The following NQO2 variants were observed in gnomAD, a reference collection of about 807,000 sequenced individuals.
NQO2 encodes the protein N-ribosyldihydronicotinamide:quinone dehydrogenase 2.
NQO2 carries 18 observed loss-of-function variants against 22.0 expected under a neutral mutation model. That is an observed-to-expected ratio of 0.82 (90% CI 0.56 to 1.21). NQO2 has a LOEUF of 1.21. NQO2 is among the 50% of genes most tolerant of loss of function. The probability of loss-of-function intolerance (pLI) is 0.00; values close to 1 mark genes in which losing one functional copy is unlikely to be tolerated. For missense variants in NQO2, 267 were observed against 286.9 expected (o/e 0.93, Z 0.50); for synonymous variants, 106 against 110.8 (o/e 0.96, Z 0.28).
At chr6:3,007,204 G>A (rs1756982884) in intron 2 of NQO2, among the ~76,000 whole-genome samples, 1 of 151,990 alleles carries the variant, frequency 6.6e-6, no homozygotes, top group East Asian at 1.9e-4. Context: ...ACCATCCCTG[G>A]CCTCTGCCCA....
Position 3,010,033 on chromosome 6 carries a change from G to A in NQO2, c.16G>A (p.Val6Ile), listed in dbSNP as rs1161796663. Residue 6 changes from valine (V) to isoleucine (I), a missense_variant, in exon 3 of 7, where the codon GTA becomes ATA. Val to Ile is a conservative substitution (Grantham distance 29). Coordinates refer to ENST00000380455, the MANE Select transcript of NQO2 (RefSeq NM_000904.6). MAGKK[V>I]LIVYAHQEPK... The stretch of plus-strand genomic sequence containing the variant: ...TTCTTATCCTGATTTAGGTAAGAAA[G>A]TACTCATTGTCTATGCACACCAGGA... 6.2e-7 allele frequency: 1 copy of A among 1,611,802 alleles called. No individual in the cohort carries two copies. Among genetic ancestry groups the A allele is most frequent in the African/African-American group, 1.3e-5 (1 of 74,790 alleles).
At chr6:3,003,109 G>A (rs867813628) in intron 1 of NQO2, among the ~76,000 whole-genome samples, 4 of 152,214 alleles carry the variant, frequency 2.6e-5, no homozygotes, top group Admixed American at 6.5e-5. Context: ...CCTCCAGGCA[G>A]TGACTGTCCA....
chr6:3,000,887 G>A (rs1445392830), intron 1 of NQO2, among the ~76,000 whole-genome samples: 1 of 151,584 alleles, frequency 6.6e-6, no homozygotes, highest in Admixed American at 6.6e-5. Context: ...CTGTTGCCCA[G>A]GCTGGAGTGC....
At chr6:3,009,615 A>G (rs1476610958) in intron 2 of NQO2, among the ~76,000 whole-genome samples, 1 of 152,266 alleles carries the variant, frequency 6.6e-6, no homozygotes, top group Non-Finnish European at 1.5e-5. Flanking sequence ...AGACAGGCAT[A>G]AGAAATTACA....
intron 2 of NQO2, 132 bp from the exon 3 acceptor site, chr6:3,009,893 A>G: frequency 7.0e-7 from 1 of 1,421,904 alleles, no homozygotes; most frequent in Non-Finnish European, 9.2e-7. Context: ...AGACAGAAAG[A>G]AAAGAAAATT....
intron 1 of NQO2, chr6:3,001,950 C>T (rs1177899062): frequency 6.6e-6 from 1 of 152,168 alleles, no homozygotes; most frequent in Non-Finnish European, 1.5e-5. Flanking sequence ...AGTCTTTCCC[C>T]ACTATTTCAA....
chr6:3,008,947 A>G (rs1011210474), intron 2 of NQO2, among the ~76,000 whole-genome samples: 3 of 151,818 alleles, frequency 2.0e-5, no homozygotes, highest in African/African-American at 7.3e-5. Flanking sequence ...GGGCGAGATC[A>G]CAGGACCACG....
chr6:3,016,741 G>A (rs1483235687), intron 5 of NQO2, 143 bp from the exon 6 acceptor site: 1 of 1,467,402 alleles, frequency 6.8e-7, no homozygotes, highest in African/African-American at 1.4e-5. Flanking sequence ...ACCTATGGAT[G>A]GGAGTGTTGC....
At chr6:3,017,075 C>T (rs954012057) in intron 6 of NQO2, 90 bp downstream of exon 6, 3 of 1,447,744 alleles carry the variant, frequency 2.1e-6, no homozygotes, top group Non-Finnish European at 2.8e-6. Flanking sequence ...CACACGCACA[C>T]ACATACATGC....
At chr6:3,003,396 C>G (rs45540731) in intron 1 of NQO2, 23,459 of 332,194 alleles carry the variant, frequency 0.071, 2,364 homozygotes, top group African/African-American at 0.26. Context: ...GGATTTCAGC[C>G]TCAGTGCTAA....
intron 2 of NQO2, chr6:3,007,085 A>G (rs1005358327): frequency 5.1e-6 from 2 of 388,374 alleles, no homozygotes; most frequent in African/African-American, 4.1e-5. Flanking sequence ...ACCTTACTCT[A>G]TACATTATGG....
chr6:3,009,368 C>G (rs1051525495), intron 2 of NQO2, among the ~76,000 whole-genome samples: 1 of 152,176 alleles, frequency 6.6e-6, no homozygotes, highest in Admixed American at 6.5e-5. Context: ...TTATCCTGTT[C>G]TTTTTTCAAG....
chr6:3,019,368 A>G (rs1757456061), intron 6 of NQO2, 111 bp from the exon 7 acceptor site: 1 of 1,454,152 alleles, frequency 6.9e-7, no homozygotes, highest in African/African-American at 1.4e-5. Context: ...AGGTTGTTTC[A>G]TGATTTTTTG....
At chr6:3,009,586 C>T (rs573416359) in intron 2 of NQO2, among the ~76,000 whole-genome samples, 4 of 152,336 alleles carry the variant, frequency 2.6e-5, no homozygotes, top group South Asian at 2.1e-4. Flanking sequence ...TCACAATTTA[C>T]GTTCAGAGAT....
Position 3,006,402 on chromosome 6 carries a change from A to T in NQO2, c.-85-66A>T. On this transcript the variant is annotated intron_variant, in intron 1 of 6. Transcript: ENST00000380455. The surrounding 1 kb of genome is among the most constrained non-coding windows in gnomAD (Gnocchi z 4.0). ...CTGTCAGGAAGCAGCAGTGATGCCT[A>T]GATGTGGTACATTCGACCTCACCTA... is the stretch of plus-strand genomic sequence containing the variant. 2.7e-6 allele frequency: 4 copies of T among 1,477,512 alleles called. No individual in the cohort carries two copies. Among genetic ancestry groups the T allele is most frequent in the Non-Finnish European group, 3.6e-6 (4 of 1,116,540 alleles). 91.5% of individuals were successfully genotyped at this position (1,477,512 alleles called of 1,614,324 possible).
At position 3,006,585 on chromosome 6, in the gene NQO2, G is replaced by C; in HGVS notation, c.7+26G>C. 6.4e-7 allele frequency: 1 copy of C among 1,570,980 alleles called. No homozygotes were observed. The highest frequency in any genetic ancestry group is 8.6e-7 in the Non-Finnish European group (1 of 1,161,750). On this transcript the variant is annotated intron_variant, in intron 2 of 6. Transcript: ENST00000380455. This position sits in a 1 kb window ranked among gnomAD's most constrained non-coding sequence, Gnocchi z 4.0. Reference sequence around the variant, plus strand: ...GTAATGATTCACTATTGTGGAGTAAGACTTTTTTTTTTTTGAGATGGGATT... The same window carrying C: ...GTAATGATTCACTATTGTGGAGTAACACTTTTTTTTTTTTGAGATGGGATT...
Position 3,016,913 on chromosome 6 carries a change from G to A in NQO2, c.447G>A (p.Thr149=), listed in dbSNP as rs752897018. The part of the protein sequence containing the change: ...QGKLALLSVT[T]GGTAEMYTKT... ...AACTAGCGCTCCTTTCCGTAACCAC[G>A]GGAGGCACGGCCGAGATGTACACGA... Residue 149 remains threonine, a synonymous_variant, in exon 6 of 7, where the codon ACG becomes ACA. Transcript: ENST00000380455. The A allele has an allele frequency of 2.5e-5, 41 of 1,612,334 alleles. No individual in the cohort carries two copies. The highest frequency in any genetic ancestry group is 1.2e-4 in the Admixed American group (7 of 59,890).
In NQO2 at chr6:3,012,398, G is replaced by A. The variant is rs1042093982; in HGVS notation, c.173-146G>A. 21 of 1,448,836 alleles carry A rather than the reference G, an allele frequency of 1.4e-5. No homozygotes were observed. The East Asian group carries it at 1.5e-4, about 10-fold the overall frequency. The allele number at this position is 1,448,836 out of a possible 1,614,324, so 89.7% of individuals were successfully genotyped here. On this transcript the variant is annotated intron_variant, in intron 3 of 6. Coordinates refer to ENST00000380455, the MANE Select transcript of NQO2 (RefSeq NM_000904.6). The stretch of plus-strand genomic sequence containing the variant: ...CAGACTGCTTCTCTTTCCCTAGCTC[G>A]GACCCAGGGTGCAGCTTCTGGTCAG...
chr6:3,007,676 G>A (rs1756997293), intron 2 of NQO2, among the ~76,000 whole-genome samples: 1 of 152,224 alleles, frequency 6.6e-6, no homozygotes, highest in Admixed American at 6.5e-5. Context: ...AGCCCCTGGT[G>A]TGAACGATAC....
Sources: gnomAD v4.1 joint callset for allele counts (sites outside exome capture counted in the v4.1 genomes callset) on GRCh38, gnomAD v4.1.1 for gene constraint, Gnocchi (gnomAD v3.1) non-coding constraint, MANE v1.5 for transcripts, NCBI Gene and HGNC (gene_info 2026-07-23, HGNC 2026-07-21) for gene names.